NARF: variants seen among roughly 807,000 people sequenced by gnomAD.
The protein encoded by NARF is iron-only hydrogenase-like protein 2.
NARF carries 41 observed loss-of-function variants against 48.0 expected under a neutral mutation model. The ratio of observed to expected loss-of-function variants is 0.85; its 90% confidence interval spans 0.66 to 1.11. The LOEUF (loss-of-function observed/expected upper bound fraction) is 1.11, where lower values mean the gene tolerates loss of function less well. Among genes scored for constraint, NARF ranks in the 50% least tolerant of loss-of-function variants. The pLI is 0.00. For missense variants in NARF, 613 were observed against 590.2 expected (o/e 1.04, Z -0.40); for synonymous variants, 215 against 225.5 (o/e 0.95, Z 0.42).
intron 6 of NARF, chr17:82,479,183 G>T (rs968499054): frequency 1.5e-4 from 46 of 302,464 alleles, no homozygotes; most frequent in African/African-American, 9.8e-4. Context: ...TCGGGGTAGA[G>T]TAGAAATGCT....
In NARF at chr17:82,481,068, C is replaced by A; in HGVS notation, c.640-14C>A. ...TCTTCACCAGCCCTAAATATGGGTGCCCCTCTCCCACAGAACCTGTCTCCA... is the reference window on the plus strand; with the variant it reads ...TCTTCACCAGCCCTAAATATGGGTGACCCTCTCCCACAGAACCTGTCTCCA... On this transcript the variant is annotated splice_polypyrimidine_tract_variant and intron_variant, in intron 6 of 10. Transcript: ENST00000309794. 6.2e-7 allele frequency: 1 copy of A among 1,613,956 alleles called. No individual in the cohort carries two copies. Among genetic ancestry groups the A allele is most frequent in the Non-Finnish European group, 8.5e-7 (1 of 1,179,974 alleles).
intron 4 of NARF, 56 bp from the exon 5 acceptor site, chr17:82,472,508 T>C (rs1432477503): frequency 6.8e-7 from 1 of 1,464,542 alleles, no homozygotes; most frequent in Non-Finnish European, 9.2e-7. Flanking sequence ...AGAGGAAGCC[T>C]AAAAGTAGAT....
chr17:82,462,821 G>A (rs923947695), intron 2 of NARF: 1 of 152,750 alleles, frequency 6.5e-6, no homozygotes, highest in Non-Finnish European at 1.5e-5. Context: ...TACACAGCAT[G>A]TCTGGTGGCA....
In NARF at chr17:82,468,913, T is replaced by A. The variant is rs1014586376; in HGVS notation, c.385+17T>A. The A allele has an allele frequency of 6.2e-7, 1 of 1,612,594 alleles. No homozygotes were observed. The highest frequency in any genetic ancestry group is 8.5e-7 in the Non-Finnish European group (1 of 1,179,440). On this transcript the variant is annotated intron_variant, in intron 4 of 10. Coordinates refer to ENST00000309794, the MANE Select transcript of NARF (RefSeq NM_012336.4). ...AAAGTCTTGGTGAGTCATCTTTTGA[T>A]AAATTGGGAATGTATAACTTGAGTT...
At chr17:82,471,056 G>C (rs547030637) in intron 4 of NARF, among the ~76,000 whole-genome samples, 1 of 151,728 alleles carries the variant, frequency 6.6e-6, no homozygotes, top group Non-Finnish European at 1.5e-5. Flanking sequence ...CCAGCTACTC[G>C]GGAGGCTGAG....
Position 82,472,710 on chromosome 17 carries a change from G to A in NARF, c.520+12G>A, listed in dbSNP as rs745529644. The A allele has an allele frequency of 2.5e-6, 4 of 1,609,666 alleles. No homozygotes were observed. The highest frequency in any genetic ancestry group is 3.4e-6 in the Non-Finnish European group (4 of 1,178,612). On this transcript the variant is annotated intron_variant, in intron 5 of 10. Coordinates refer to ENST00000309794, the MANE Select transcript of NARF (RefSeq NM_012336.4). ...CTCTGCCTGTCCTGGTGAGCCCCTGGACCCCCGCTCTGTTGGCCTGAGGTG... is the reference window on the plus strand; with the variant it reads ...CTCTGCCTGTCCTGGTGAGCCCCTGAACCCCCGCTCTGTTGGCCTGAGGTG...
At chr17:82,462,597 GGT>G (rs2043465286) in intron 2 of NARF, 1 of 152,518 alleles carries the variant, frequency 6.6e-6, no homozygotes, top group South Asian at 2.1e-4. Flanking sequence ...GGCCTTCTAC[GGT>G]GTGTGAGTCT....
intron 10 of NARF, 83 bp from the exon 11 acceptor site, chr17:82,487,833 T>G (rs1567948994): frequency 2.0e-6 from 3 of 1,465,832 alleles, no homozygotes; most frequent in Non-Finnish European, 2.8e-6. Flanking sequence ...AGGTGGTGTG[T>G]GTCTGTAGTT....
Position 82,484,954 on chromosome 17 carries a change from TG to T in NARF, c.971+8del. ...AGGTCACTTACCGAGCCCTGAGGTGTGGGGCAGTATCCACAGCCTGTCTGTG... is the reference window on the plus strand; with the variant it reads ...AGGTCACTTACCGAGCCCTGAGGTGTGGGCAGTATCCACAGCCTGTCTGTG... On this transcript the variant is annotated splice_donor_5th_base_variant and intron_variant, in intron 9 of 10. Coordinates refer to ENST00000309794, the MANE Select transcript of NARF (RefSeq NM_012336.4). 6.3e-7 allele frequency: 1 copy of T among 1,599,218 alleles called. No homozygotes were observed. Among genetic ancestry groups the T allele is most frequent in the Non-Finnish European group, 8.5e-7 (1 of 1,172,318 alleles).
intron 10 of NARF, 92 bp from the exon 11 acceptor site, chr17:82,487,824 G>T (rs1407585559): frequency 1.7e-6 from 2 of 1,171,880 alleles, no homozygotes; most frequent in Non-Finnish European, 2.3e-6. Flanking sequence ...AGCCGGGCAA[G>T]GTGGTGTGTG....
At chr17:82,481,034 G>A (rs1221094880) in intron 6 of NARF, 48 bp from the exon 7 acceptor site, 3 of 1,611,626 alleles carry the variant, frequency 1.9e-6, no homozygotes, top group Admixed American at 1.7e-5. Context: ...AGCGTAAGCT[G>A]CCGTCACCTC....
intron 9 of NARF, among the ~76,000 whole-genome samples, chr17:82,485,164 G>A (rs2044068199): frequency 6.6e-6 from 1 of 152,176 alleles, no homozygotes; most frequent in South Asian, 2.1e-4. Flanking sequence ...GCTCGTGCCT[G>A]TAATCCCAGC....
chr17:82,487,224 C>A (rs1003810489), intron 10 of NARF, among the ~76,000 whole-genome samples: 2 of 150,240 alleles, frequency 1.3e-5, no homozygotes, highest in Non-Finnish European at 3.0e-5. Context: ...TGGCTCACGC[C>A]TGTAATCCCA....
At chr17:82,475,058 A>G (rs780031039) in intron 5 of NARF, among the ~76,000 whole-genome samples, 7 of 152,040 alleles carry the variant, frequency 4.6e-5, no homozygotes, top group Non-Finnish European at 8.8e-5. Context: ...TCCACACCTG[A>G]TGGTTTCTGG....
At chr17:82,467,798 C>T (rs149920910) in intron 3 of NARF, among the ~76,000 whole-genome samples, 33 of 152,150 alleles carry the variant, frequency 2.2e-4, no homozygotes, top group African/African-American at 7.7e-4. Context: ...GCCACCATGC[C>T]CAGCCGGGCT....
intron 4 of NARF, among the ~76,000 whole-genome samples, chr17:82,469,159 A>T (rs2043639769): frequency 6.6e-6 from 1 of 152,110 alleles, no homozygotes. Flanking sequence ...CCAAACAGTG[A>T]CCACCTTCTG....
intron 2 of NARF, chr17:82,463,996 G>T: frequency 3.1e-6 from 1 of 318,372 alleles, no homozygotes; most frequent in African/African-American, 2.1e-5. Context: ...CAGAACACAG[G>T]GGTCATTTAC....
In NARF at chr17:82,483,764, C is replaced by G. The variant is rs1276916664; in HGVS notation, c.818C>G (p.Ala273Gly). 1.3e-5 allele frequency: 21 copies of G among 1,613,628 alleles called. No homozygotes were observed. The highest frequency in any genetic ancestry group is 1.7e-5 in the Admixed American group (1 of 59,994). ...CAAGGTGACCTCTCAGTGAGAGATG[C>G]TGCCGTCGACACTCTGTAAGTGGCT... ...MEQGDLSVRD[A>G]AVDTLFGDLK... Residue 273 changes from alanine to glycine, a missense_variant, in exon 8 of 11, where the codon GCT (alanine) becomes GGT (glycine). Transcript: ENST00000309794.
rs1310681349 is a variant in NARF, at chr17:82,485,513, G to C, written c.988G>C (p.Glu330Gln). The C allele has an allele frequency of 6.2e-7, 1 of 1,614,172 alleles. No individual in the cohort carries two copies. The highest frequency in any genetic ancestry group is 1.1e-5 in the South Asian group (1 of 91,076). Residue 330 changes from glutamate (E) to glutamine (Q), a missense_variant, in exon 10 of 11, where the codon GAG (glutamate) becomes CAG (glutamine). Glu to Gln is a conservative substitution (Grantham distance 29). Transcript: ENST00000309794. The part of the protein sequence containing the change: ...YRALRNKDFQ[E>Q]VTLEKNGEVV... ...ATTTTGTAGAAACAAAGACTTCCAA[G>C]AGGTCACCCTTGAGAAGAACGGAGA...
Sources: gnomAD v4.1 joint callset for allele counts (sites outside exome capture counted in the v4.1 genomes callset) on GRCh38, gnomAD v4.1.1 for gene constraint, MANE v1.5 for transcripts, NCBI Gene and HGNC (gene_info 2026-07-23, HGNC 2026-07-21) for gene names.